NRXN1: variants seen among roughly 807,000 people sequenced by gnomAD.
NRXN1 encodes the protein neurexin 1.
NRXN1 carries 39 observed loss-of-function variants against 150.9 expected under a neutral mutation model. The observed-to-expected ratio is 0.26, with a 90% CI of 0.20 to 0.34. The LOEUF (loss-of-function observed/expected upper bound fraction) is 0.34. NRXN1 is among the 10% of genes least tolerant of loss of function. NRXN1 has a pLI of 1.00. For synonymous variants in NRXN1, 924 were observed against 757.0 expected (o/e 1.22, Z -3.62); for missense variants, 1,815 against 1,949.9 (o/e 0.93, Z 1.30).
At chr2:50,493,895 T>C (rs138155059) in intron 15 of NRXN1, among the ~76,000 whole-genome samples, 234 of 152,356 alleles carry the variant, frequency 1.5e-3, no homozygotes, top group African/African-American at 5.1e-3. Flanking sequence ...CTTAATACTA[T>C]GTAATATGCC....
intron 16 of NRXN1, among the ~76,000 whole-genome samples, chr2:50,470,992 G>C (rs185725824): frequency 6.6e-6 from 1 of 151,982 alleles, no homozygotes; most frequent in East Asian, 1.9e-4. Context: ...ACAGGATACA[G>C]TGTTTCTGCC....
intron 18 of NRXN1, among the ~76,000 whole-genome samples, chr2:50,196,367 T>C (rs974277366): frequency 2.0e-5 from 3 of 152,138 alleles, no homozygotes; most frequent in Non-Finnish European, 4.4e-5. Context: ...CCAGAAAAGT[T>C]TCCTAAACAC....
intron 21 of NRXN1, among the ~76,000 whole-genome samples, chr2:50,042,618 T>C (rs1691172520): frequency 6.6e-6 from 1 of 152,200 alleles, no homozygotes; most frequent in Non-Finnish European, 1.5e-5. Flanking sequence ...CATTCTGTGT[T>C]CATTATTTAT....
chr2:50,166,299 GTGTGTGTGTGTGTGTGTGTGTGTGTT>G (rs1470336754), intron 18 of NRXN1, among the ~76,000 whole-genome samples: 2 of 149,164 alleles, frequency 1.3e-5, no homozygotes, highest in African/African-American at 5.1e-5. Context: ...GTGTGTGTGT[GTGTGTGTGTGTGTGTGTGTGTGTGTT>G]TGTGTGTGTG....
chr2:50,614,636 T>TAA (rs374009480), intron 8 of NRXN1, among the ~76,000 whole-genome samples: 33 of 122,408 alleles, frequency 2.7e-4, no homozygotes, highest in East Asian at 2.0e-3. Flanking sequence ...TAAAGTATAA[T>TAA]AAAAATATAT....
At chr2:50,568,982 T>C (rs1670260469) in intron 8 of NRXN1, among the ~76,000 whole-genome samples, 1 of 152,242 alleles carries the variant, frequency 6.6e-6, no homozygotes, top group Non-Finnish European at 1.5e-5. Flanking sequence ...TGGGATTCTG[T>C]CATTTGTAAC....
At chr2:50,777,853 A>G (rs1241764667) in intron 5 of NRXN1, among the ~76,000 whole-genome samples, 1 of 152,186 alleles carries the variant, frequency 6.6e-6, no homozygotes, top group Non-Finnish European at 1.5e-5. Flanking sequence ...ACTTCTTCAA[A>G]GAGGGTAATA....
intron 5 of NRXN1, among the ~76,000 whole-genome samples, chr2:50,921,119 T>C (rs1363821762): frequency 6.6e-6 from 1 of 151,800 alleles, no homozygotes; most frequent in East Asian, 1.9e-4. Context: ...ATGGTTGATT[T>C]AAAGACTATT....
At chr2:50,202,528 A>G (rs1335905926) in intron 18 of NRXN1, among the ~76,000 whole-genome samples, 2 of 152,046 alleles carry the variant, frequency 1.3e-5, no homozygotes, top group African/African-American at 2.4e-5. Flanking sequence ...CAAAACAAAA[A>G]AAAAGGAGGC....
intron 17 of NRXN1, among the ~76,000 whole-genome samples, chr2:50,286,790 T>C (rs1193799667): frequency 1.3e-5 from 2 of 152,150 alleles, no homozygotes; most frequent in African/African-American, 2.4e-5. Flanking sequence ...GAAATTCATA[T>C]TATCGCAGAA....
intron 18 of NRXN1, among the ~76,000 whole-genome samples, chr2:50,218,690 T>A (rs2063574001): frequency 1.3e-5 from 2 of 151,956 alleles, no homozygotes; most frequent in Admixed American, 1.3e-4. Flanking sequence ...TTTACTTTTT[T>A]AAATTAGAGT....
intron 18 of NRXN1, among the ~76,000 whole-genome samples, chr2:50,102,394 CTGGCA>C (rs1193028868): frequency 6.6e-6 from 1 of 151,944 alleles, no homozygotes; most frequent in Admixed American, 6.6e-5. Flanking sequence ...GCATGGTTTT[CTGGCA>C]TAAATGACAC....
At chr2:50,681,145 G>A (rs550295366) in intron 5 of NRXN1, among the ~76,000 whole-genome samples, 1 of 152,192 alleles carries the variant, frequency 6.6e-6, no homozygotes, top group Non-Finnish European at 1.5e-5. Flanking sequence ...AGGTGGGGCA[G>A]ATAATGCACA....
At chr2:50,093,473 G>GAAAAAAAAAAAGA (rs11413489) in intron 18 of NRXN1, among the ~76,000 whole-genome samples, 1 of 140,976 alleles carries the variant, frequency 7.1e-6, no homozygotes, top group Non-Finnish European at 1.5e-5. Context: ...AAAAGAAAAA[G>GAAAAAAAAAAAGA]AAAAAAAAAA....
At chr2:50,798,384 T>A (rs557692707) in intron 5 of NRXN1, among the ~76,000 whole-genome samples, 1 of 152,260 alleles carries the variant, frequency 6.6e-6, no homozygotes, top group South Asian at 2.1e-4. Context: ...AGTATTAGAG[T>A]ACTCATAAAT....
chr2:50,451,094 G>T (rs75881090), intron 17 of NRXN1, among the ~76,000 whole-genome samples: 9,918 of 152,136 alleles, frequency 0.065, 849 homozygotes, highest in East Asian at 0.41. Context: ...AGCCTCCTAG[G>T]TAGCTGGGAC....
At chr2:50,517,928 T>G (rs2092676245) in intron 12 of NRXN1, among the ~76,000 whole-genome samples, 3 of 152,268 alleles carry the variant, frequency 2.0e-5, no homozygotes, top group South Asian at 4.1e-4. Context: ...TTCTCGATGC[T>G]TCACCTCCTG....
At chr2:50,376,608 CAATT>C (rs1357875003) in intron 17 of NRXN1, among the ~76,000 whole-genome samples, 2 of 151,940 alleles carry the variant, frequency 1.3e-5, no homozygotes, top group Non-Finnish European at 2.9e-5. Context: ...CCACAAATTT[CAATT>C]AATTAAGAAT....
At chr2:50,803,473 C>T (rs1707889594) in intron 5 of NRXN1, among the ~76,000 whole-genome samples, 1 of 152,158 alleles carries the variant, frequency 6.6e-6, no homozygotes, top group Non-Finnish European at 1.5e-5. Context: ...ATTTCTCAAT[C>T]ATTTAAGCAG....
Sources: allele counts gnomAD v4.1 joint callset (sites outside exome capture counted in the v4.1 genomes callset), GRCh38; gene constraint gnomAD v4.1.1; transcripts MANE v1.5; gene names NCBI Gene and HGNC (gene_info 2026-07-23, HGNC 2026-07-21).